Variants in WDR49 observed in about 807,000 individuals in gnomAD.
WDR49 encodes the protein cilia- and flagella-associated protein 337.
Under a neutral mutation model 119.5 loss-of-function variants are expected in WDR49, and 107 were observed. The observed-to-expected ratio is 0.90, with a 90% CI of 0.77 to 1.05. The LOEUF (loss-of-function observed/expected upper bound fraction) is 1.05. Ranked by LOEUF, WDR49 falls within the 50% of genes least tolerant of loss-of-function variation. WDR49 has a pLI of 0.00. For synonymous variants in WDR49, 425 were observed against 418.8 expected (o/e 1.01, Z -0.18); for missense variants, 1,240 against 1,220.5 (o/e 1.02, Z -0.24).
At chr3:167,580,024 G>T (rs1714454024) in intron 7 of WDR49, among the ~76,000 whole-genome samples, 1 of 151,936 alleles carries the variant, frequency 6.6e-6, no homozygotes, top group South Asian at 2.1e-4. Context: ...AATTTATATT[G>T]GATTTGATAT....
At chr3:167,523,666 G>A (rs1043450613) in intron 15 of WDR49, among the ~76,000 whole-genome samples, 118 of 152,050 alleles carry the variant, frequency 7.8e-4, no homozygotes, top group African/African-American at 2.8e-3. Context: ...CTGTTCCTGT[G>A]TTAGTTTGCT....
intron 18 of WDR49, among the ~76,000 whole-genome samples, chr3:167,495,591 C>T (rs988787746): frequency 6.6e-6 from 1 of 151,368 alleles, no homozygotes; most frequent in Non-Finnish European, 1.5e-5. Context: ...ATTGCTATTC[C>T]ATAACAGAAG....
intron 10 of WDR49, among the ~76,000 whole-genome samples, chr3:167,548,238 G>A (rs1178297088): frequency 6.6e-6 from 1 of 151,934 alleles, no homozygotes. Context: ...ATGACACTAA[G>A]GGGGCAATTT....
intron 8 of WDR49, among the ~76,000 whole-genome samples, chr3:167,569,373 T>C (rs74990439): frequency 0.038 from 5,865 of 152,340 alleles, 219 homozygotes; most frequent in African/African-American, 0.077. Context: ...GATTTGTGTA[T>C]ATTTTATTGT....
At chr3:167,637,938 G>A (rs989322007) in intron 2 of WDR49, among the ~76,000 whole-genome samples, 1 of 151,534 alleles carries the variant, frequency 6.6e-6, no homozygotes, top group Non-Finnish European at 1.5e-5. Context: ...TCAGCAAACA[G>A]CAACAGTTTG....
At chr3:167,560,301 T>C in intron 8 of WDR49, 73 bp from the exon 9 acceptor site, 3 of 1,429,946 alleles carry the variant, frequency 2.1e-6, no homozygotes, top group Non-Finnish European at 2.8e-6. Context: ...AATAAACATA[T>C]CCAGCCTGTG....
chr3:167,505,340 G>A lies in WDR49; in HGVS notation c.2851C>T (p.Pro951Ser). The A allele has an allele frequency of 2.0e-6, 3 of 1,525,672 alleles. No homozygotes were observed. The South Asian group carries it at 4.0e-5, about 20-fold the overall frequency. 94.5% of individuals were successfully genotyped at this position (1,525,672 alleles called of 1,614,324 possible). ...RSTCMKETQK[P>S]YYGEVIKKSF... ...TTTTTTATAACTTCACCATAATAAGGTTTTTGTGTTTCTTTCATGCAGGTA... is the reference window on the plus strand; with the variant it reads ...TTTTTTATAACTTCACCATAATAAGATTTTTGTGTTTCTTTCATGCAGGTA... The change falls in exon 17 of 19, where the codon CCT becomes TCT. Residue 951 changes from proline to serine, a missense_variant. Coordinates refer to ENST00000682715, the MANE Select transcript of WDR49 (RefSeq NM_001366157.1).
At chr3:167,551,591 C>G (rs1249681474) in intron 10 of WDR49, among the ~76,000 whole-genome samples, 3 of 151,984 alleles carry the variant, frequency 2.0e-5, no homozygotes, top group Non-Finnish European at 2.9e-5. Flanking sequence ...GGCCTACTAA[C>G]TTTGTCACCT....
chr3:167,511,162 C>A (rs1234902959), intron 16 of WDR49, among the ~76,000 whole-genome samples: 1 of 152,070 alleles, frequency 6.6e-6, no homozygotes, highest in African/African-American at 2.4e-5. Flanking sequence ...CCTGGGAGAA[C>A]TGAAGGATGT....
chr3:167,537,059 G>A, intron 10 of WDR49, 59 bp from the exon 11 acceptor site: 1 of 1,467,566 alleles, frequency 6.8e-7, no homozygotes. Context: ...ACATTGAGTA[G>A]CCACTATCCA....
chr3:167,590,247 A>G (rs1715038828), intron 7 of WDR49, among the ~76,000 whole-genome samples: 1 of 152,128 alleles, frequency 6.6e-6, no homozygotes, highest in South Asian at 2.1e-4. Context: ...ACCTTGGGAT[A>G]AATCCCACTT....
chr3:167,557,626 G>A (rs541054496), intron 9 of WDR49, among the ~76,000 whole-genome samples: 37 of 151,844 alleles, frequency 2.4e-4, no homozygotes, highest in Admixed American at 3.3e-4. Context: ...GGTGGCAGGC[G>A]CCTGTAGTCC....
intron 8 of WDR49, among the ~76,000 whole-genome samples, chr3:167,571,194 C>G (rs1577247812): frequency 6.6e-6 from 1 of 152,002 alleles, no homozygotes; most frequent in East Asian, 1.9e-4. Context: ...CAGCATCACT[C>G]CAGATAAAGT....
intron 3 of WDR49, among the ~76,000 whole-genome samples, chr3:167,624,999 C>G (rs1432955909): frequency 6.6e-6 from 1 of 151,978 alleles, no homozygotes; most frequent in Non-Finnish European, 1.5e-5. Context: ...CACAACTTCT[C>G]TTTGCTCAGT....
At position 167,644,878 on chromosome 3, in the gene WDR49, G is replaced by A. The variant is rs186345896; in HGVS notation, c.165+8383C>T. Among the ~76,000 whole-genome samples, 457 of 152,118 alleles carry A rather than the reference G, an allele frequency of 3.0e-3. 2 individuals carry two copies. The highest frequency in any genetic ancestry group is 0.01 in the African/African-American group (428 of 41,534). ...CCAATCTGATGATTATAAAAAGAAC[G>A]TCTTCTTTCTGATTAGAGTATCAAA... On this transcript the variant is annotated intron_variant, in intron 2 of 18. Transcript: ENST00000682715.
intron 12 of WDR49, among the ~76,000 whole-genome samples, chr3:167,532,443 G>A (rs1752881807): frequency 6.6e-6 from 1 of 152,050 alleles, no homozygotes; most frequent in African/African-American, 2.4e-5. Context: ...TCTAAAGCAA[G>A]GAATAATTTA....
chr3:167,626,878 G>A lies in WDR49; in HGVS notation c.580C>T (p.Leu194=), dbSNP rs1201974115. The A allele has an allele frequency of 8.0e-6, 10 of 1,250,560 alleles. No homozygotes were observed. Among genetic ancestry groups the A allele is most frequent in the Non-Finnish European group, 1.0e-5 (10 of 997,410 alleles). The allele number at this position is 1,250,560 out of a possible 1,614,324, so 77.5% of individuals were successfully genotyped here. A position where few individuals can be genotyped will look rare whatever the true frequency, so the allele number is the denominator to read the frequency against. ...TKLKHLWVTS[L]VSLENVNKIA... is the part of the protein sequence containing the mutation. ...TTGTTTACATTTTCCAGAGAAACCA[G>A]ACTTGTCACCCACAGGTGTTTGAGC... The change falls in exon 3 of 19, where the codon CTG becomes TTG. Residue 194 remains leucine (L), a synonymous_variant. Transcript: ENST00000682715.
chr3:167,568,646 C>T (rs1713750989), intron 8 of WDR49, among the ~76,000 whole-genome samples: 2 of 152,124 alleles, frequency 1.3e-5, no homozygotes, highest in South Asian at 2.1e-4. Context: ...CTTTTTCTTG[C>T]AATGCCATGA....
chr3:167,626,838 T>A lies in WDR49; in HGVS notation c.606+14A>T. On this transcript the variant is annotated intron_variant, in intron 3 of 18. Coordinates refer to ENST00000682715, the MANE Select transcript of WDR49 (RefSeq NM_001366157.1). ...CTTTTACAAGCAGTACATTTTTTTA[T>A]AAAGAGTCTGTACCTTGTTTACATT... The A allele has an allele frequency of 8.1e-7, 1 of 1,234,848 alleles. No individual in the cohort carries two copies. Among genetic ancestry groups the A allele is most frequent in the South Asian group, 4.1e-5 (1 of 24,590 alleles). 76.5% of individuals were successfully genotyped at this position (1,234,848 alleles called of 1,614,324 possible).
Sources: gnomAD v4.1 joint callset for allele counts (sites outside exome capture counted in the v4.1 genomes callset) on GRCh38, gnomAD v4.1.1 for gene constraint, MANE v1.5 for transcripts, NCBI Gene and HGNC (gene_info 2026-07-23, HGNC 2026-07-21) for gene names.